Variants in C10orf105 observed in about 807,000 individuals in gnomAD.
C10orf105 encodes chromosome 10 open reading frame 105, also known as uncharacterized protein C10orf105.
C10orf105 carries 2 observed loss-of-function variants against 0.6 expected under a neutral mutation model. The ratio of observed to expected loss-of-function variants is 3.18; its 90% CI spans 1.30 to 10.01. The LOEUF is 10.01. Among genes scored for constraint, C10orf105 ranks in the 30% most tolerant of loss-of-function variants. The pLI, the probability that C10orf105 is intolerant of heterozygous loss-of-function variation, is 0.04. For synonymous variants in C10orf105, 95 were observed against 82.4 expected, an observed-to-expected ratio of 1.15 and a Z score of -0.83; for missense variants, 209 against 191.4, an observed-to-expected ratio of 1.09 and a Z score of -0.54.
At position 71,715,274 on chromosome 10, in the gene C10orf105, G is replaced by C. The variant is rs1276505679; in HGVS notation, c.*662C>G. On this transcript the variant is annotated 3_prime_UTR_variant, in exon 2 of 2. Transcript: ENST00000441508. Reference sequence around the variant, plus strand: ...CTTCCTGATTGATCCCAACGTGGGTGCCCTGAAGAGGGGCCACCAAGACGG... The same window carrying C: ...CTTCCTGATTGATCCCAACGTGGGTCCCCTGAAGAGGGGCCACCAAGACGG... 1 of 152,260 alleles carries C rather than the reference G, an allele frequency of 6.6e-6. No homozygotes were observed. Among genetic ancestry groups the C allele is most frequent in the Non-Finnish European group, 1.5e-5 (1 of 68,078 alleles). 9.4% of individuals were successfully genotyped at this position (152,260 alleles called of 1,614,324 possible).
intron 1 of C10orf105, among the ~76,000 whole-genome samples, chr10:71,718,514 G>C (rs1043577961): frequency 6.6e-6 from 1 of 152,278 alleles, no homozygotes; most frequent in African/African-American, 2.4e-5. Flanking sequence ...CTGTGCATGG[G>C]TTGGCCTTTC....
At chr10:71,734,542 G>A (rs2132832076) in intron 1 of C10orf105, 5 of 1,606,552 alleles carry the variant, frequency 3.1e-6, no homozygotes, top group South Asian at 1.1e-5. Context: ...CAGGTGGAGG[G>A]TGGCACCTCC....
intron 1 of C10orf105, among the ~76,000 whole-genome samples, chr10:71,727,415 A>G (rs936569108): frequency 6.6e-6 from 1 of 152,210 alleles, no homozygotes; most frequent in African/African-American, 2.4e-5. Context: ...GCTTGGTGGC[A>G]CTGTAGTACA....
intron 1 of C10orf105, among the ~76,000 whole-genome samples, chr10:71,728,997 AT>A (rs894390882): frequency 4.0e-5 from 6 of 150,340 alleles, no homozygotes; most frequent in East Asian, 1.9e-4. Context: ...CCCCTGGCTA[AT>A]TTTTTTTTGT....
In C10orf105 at chr10:71,713,527, T is replaced by C; in HGVS notation, c.*2409A>G. On this transcript the variant is annotated 3_prime_UTR_variant, in exon 2 of 2. Coordinates refer to ENST00000441508, the MANE Select transcript of C10orf105 (RefSeq NM_001164375.3). ...GGGAGGCTGGCAATGCTCCCCTCCC[T>C]GCATCGGGACCAGGAGGCGGGCAGG... The C allele has an allele frequency of 1.9e-6, 1 of 515,674 alleles. No homozygotes were observed. 31.9% of individuals were successfully genotyped at this position (515,674 alleles called of 1,614,324 possible).
intron 1 of C10orf105, chr10:71,734,522 A>T: frequency 6.3e-7 from 1 of 1,599,518 alleles, no homozygotes; most frequent in South Asian, 1.1e-5. Flanking sequence ...GGCTAGGATG[A>T]GACCTCAGGC....
chr10:71,730,813 AACC>A (rs1044744766), intron 1 of C10orf105, among the ~76,000 whole-genome samples: 5 of 152,240 alleles, frequency 3.3e-5, no homozygotes, highest in Non-Finnish European at 7.3e-5. Flanking sequence ...GAGTTGTCCC[AACC>A]ACTGGGTGGA....
chr10:71,732,195 C>G (rs776501112), intron 1 of C10orf105: 1 of 1,613,854 alleles, frequency 6.2e-7, no homozygotes, highest in Non-Finnish European at 8.5e-7. Flanking sequence ...ACGAGCTGGA[C>G]GAGGCCGTGC....
At chr10:71,716,465 T>C in intron 1 of C10orf105, 123 bp from the exon 2 acceptor site, 2 of 724,600 alleles carry the variant, frequency 2.8e-6, no homozygotes, top group Non-Finnish European at 4.5e-6. Flanking sequence ...GACAGCATCA[T>C]GGCCACATCA....
chr10:71,725,581 C>G (rs1020221967), intron 1 of C10orf105: 4 of 1,549,774 alleles, frequency 2.6e-6, no homozygotes, highest in Admixed American at 1.9e-5. Context: ...ACAGCTAGAA[C>G]AGAGAAGGCC....
chr10:71,725,319 CAGG>C, intron 1 of C10orf105: 6 of 1,612,540 alleles, frequency 3.7e-6, no homozygotes, highest in Non-Finnish European at 5.1e-6. Flanking sequence ...GCCAGCACAG[CAGG>C]AGACTTCTGG....
chr10:71,717,372 T>A (rs1359404180), intron 1 of C10orf105: 4 of 152,266 alleles, frequency 2.6e-5, no homozygotes, highest in African/African-American at 7.2e-5. Context: ...CCCAGCCCTT[T>A]CGGAGCTCAG....
upstream of C10orf105, among the ~76,000 whole-genome samples, chr10:71,723,853 G>A (rs1866681307): frequency 6.6e-6 from 1 of 152,164 alleles, no homozygotes; most frequent in Non-Finnish European, 1.5e-5. Flanking sequence ...GCCATCAGCG[G>A]TCGGACATCC....
At chr10:71,737,788 G>C (rs1387532147) in exon 1 of C10orf105, 1 of 468,276 alleles carries the variant, frequency 2.1e-6, no homozygotes, top group Admixed American at 2.3e-5. Flanking sequence ...ACCCGCGGCA[G>C]GCCTTCACTC....
At chr10:71,733,025 A>T (rs1384167022) in intron 1 of C10orf105, among the ~76,000 whole-genome samples, 1 of 152,194 alleles carries the variant, frequency 6.6e-6, no homozygotes. Context: ...CCTCCACTTC[A>T]GCTGCCAATC....
intron 1 of C10orf105, among the ~76,000 whole-genome samples, chr10:71,728,073 G>A (rs1866895318): frequency 6.6e-6 from 1 of 152,008 alleles, no homozygotes. Context: ...CACAACCCTT[G>A]GAGTCAAGGT....
chr10:71,723,928 C>A, upstream of C10orf105: 1 of 1,168,454 alleles, frequency 8.6e-7, no homozygotes, highest in Non-Finnish European at 1.2e-6. Context: ...TGAGGGAGAC[C>A]ACAGGTTTTG....
intron 1 of C10orf105, among the ~76,000 whole-genome samples, chr10:71,719,180 C>T (rs1866433765): frequency 6.6e-6 from 1 of 152,222 alleles, no homozygotes; most frequent in African/African-American, 2.4e-5. Flanking sequence ...CAACACAACA[C>T]CCTTCCTGGA....
chr10:71,727,064 G>A (rs1045216114), intron 1 of C10orf105, among the ~76,000 whole-genome samples: 5 of 152,206 alleles, frequency 3.3e-5, no homozygotes, highest in African/African-American at 1.2e-4. Context: ...GAACCCTGAG[G>A]AATAATAAAC....
Sources: gnomAD v4.1 joint callset for allele counts (sites outside exome capture counted in the v4.1 genomes callset) on GRCh38, gnomAD v4.1.1 for gene constraint, MANE v1.5 for transcripts, NCBI Gene and HGNC (gene_info 2026-07-23, HGNC 2026-07-21) for gene names.